STIM1: variants seen among roughly 807,000 people sequenced by gnomAD.
STIM1 encodes stromal interaction molecule 1.
Under a neutral mutation model 74.7 loss-of-function variants are expected in STIM1, and 25 were observed. The observed-to-expected ratio is 0.33, with a 90% CI of 0.24 to 0.47. STIM1 has a LOEUF of 0.47. Among genes scored for constraint, STIM1 ranks in the 20% least tolerant of loss-of-function variants. STIM1 has a pLI of 1.00. For missense variants in STIM1, 728 were observed against 920.8 expected (o/e 0.79, Z 2.71); for synonymous variants, 328 against 348.8 (o/e 0.94, Z 0.66).
rs1460670638 is a variant in STIM1, at chr11:4,082,035, C to T, written c.970-149C>T. The stretch of plus-strand genomic sequence containing the variant: ...TTTTCTTCGCTGAGCTTGCTTTCTT[C>T]TATATAAAATACGGAAAATAATCCT... On this transcript the variant is annotated intron_variant, in intron 7 of 12. Coordinates refer to ENST00000526596, the MANE Select transcript of STIM1 (RefSeq NM_001382567.1). 105 of 889,366 alleles carry T rather than the reference C, an allele frequency of 1.2e-4. 3 individuals carry two copies. The South Asian group carries it at 1.6e-3, about 14-fold the overall frequency. 55.1% of individuals were successfully genotyped at this position (889,366 alleles called of 1,614,324 possible). A position where few individuals can be genotyped will look rare whatever the true frequency, so the allele number is the denominator to read the frequency against.
At chr11:4,086,338 GGGA>G in intron 11 of STIM1, 136 bp from the exon 12 acceptor site, 1 of 933,806 alleles carries the variant, frequency 1.1e-6, no homozygotes, top group Non-Finnish European at 1.6e-6. Context: ...GGAGGTTTCT[GGGA>G]GGAGGTGCCC....
At chr11:3,994,198 A>G (rs1045183114) in intron 2 of STIM1, among the ~76,000 whole-genome samples, 1 of 152,170 alleles carries the variant, frequency 6.6e-6, no homozygotes, top group African/African-American at 2.4e-5. Flanking sequence ...GTCTTCTGGC[A>G]TCCATTATTT....
chr11:3,971,420 T>A (rs1164962299), intron 2 of STIM1, among the ~76,000 whole-genome samples: 1 of 152,040 alleles, frequency 6.6e-6, no homozygotes, highest in East Asian at 1.9e-4. Context: ...TCCTAGCTAC[T>A]CTGGAGGCTG....
intron 1 of STIM1, among the ~76,000 whole-genome samples, chr11:3,895,695 T>TATAC (rs2092089558): frequency 3.2e-5 from 1 of 30,850 alleles, no homozygotes; most frequent in Non-Finnish European, 5.7e-5. Context: ...TCTTTCTTTC[T>TATAC]TTCTTTCTTT....
intron 3 of STIM1, among the ~76,000 whole-genome samples, chr11:4,035,608 T>A (rs1352278971): frequency 1.3e-5 from 2 of 152,134 alleles, no homozygotes; most frequent in Non-Finnish European, 2.9e-5. Flanking sequence ...AGAAGCAAGT[T>A]ATTTAGTTTC....
At chr11:4,042,430 G>A (rs2133001605) in intron 3 of STIM1, among the ~76,000 whole-genome samples, 1 of 152,150 alleles carries the variant, frequency 6.6e-6, no homozygotes, top group East Asian at 1.9e-4. Context: ...TTTGTTTATA[G>A]TGTTTTATTT....
intron 1 of STIM1, among the ~76,000 whole-genome samples, chr11:3,943,236 C>G (rs1020138522): frequency 1.3e-5 from 2 of 152,168 alleles, no homozygotes. Flanking sequence ...CTTGCTTCCA[C>G]AGAACCTGGT....
At chr11:3,940,472 T>C (rs1373705862) in intron 1 of STIM1, among the ~76,000 whole-genome samples, 1 of 152,168 alleles carries the variant, frequency 6.6e-6, no homozygotes, top group African/African-American at 2.4e-5. Flanking sequence ...GTTAACATAA[T>C]TCTCTGAACT....
chr11:4,047,879 C>T (rs1292655002), intron 3 of STIM1, among the ~76,000 whole-genome samples: 12 of 148,960 alleles, frequency 8.1e-5, no homozygotes, highest in Non-Finnish European at 7.4e-5. Context: ...AGTGCCATGG[C>T]GTGATCTCAG....
chr11:3,874,536 A>G (rs1565097562), intron 1 of STIM1, among the ~76,000 whole-genome samples: 1 of 152,238 alleles, frequency 6.6e-6, no homozygotes, highest in Non-Finnish European at 1.5e-5. Context: ...GTCTCTCCCT[A>G]GCTTCAGGTT....
At chr11:3,950,522 C>T (rs1184282075) in intron 1 of STIM1, among the ~76,000 whole-genome samples, 2 of 152,124 alleles carry the variant, frequency 1.3e-5, no homozygotes, top group African/African-American at 2.4e-5. Context: ...TGGGCTGCTT[C>T]CAGTTTTGGG....
intron 6 of STIM1, among the ~76,000 whole-genome samples, chr11:4,073,940 C>T (rs2094421702): frequency 6.6e-6 from 1 of 152,116 alleles, no homozygotes; most frequent in East Asian, 1.9e-4. Flanking sequence ...CCCTAATCCA[C>T]CCCTCTGCTA....
chr11:4,032,285 G>T (rs766416514), intron 3 of STIM1, among the ~76,000 whole-genome samples: 1 of 152,188 alleles, frequency 6.6e-6, no homozygotes, highest in Non-Finnish European at 1.5e-5. Flanking sequence ...TTGGAGTCCA[G>T]CCAGGGCAGC....
chr11:4,091,246 A>G (rs1282324096), intron 12 of STIM1, 36 bp from the exon 13 acceptor site: 1 of 1,612,970 alleles, frequency 6.2e-7, no homozygotes, highest in African/African-American at 1.3e-5. Flanking sequence ...CATCCAATAT[A>G]TGTCCCTTTC....
intron 1 of STIM1, among the ~76,000 whole-genome samples, chr11:3,886,442 ACTTTGGGAG>A: frequency 6.6e-6 from 1 of 152,292 alleles, no homozygotes; most frequent in Non-Finnish European, 1.5e-5. Flanking sequence ...TCATCCCAGC[ACTTTGGGAG>A]GCCAAGGCAG....
chr11:4,046,957 G>A (rs1294008426), intron 3 of STIM1, among the ~76,000 whole-genome samples: 1 of 152,096 alleles, frequency 6.6e-6, no homozygotes, highest in Non-Finnish European at 1.5e-5. Flanking sequence ...CTGGCCAAAT[G>A]CCTGTTTTTT....
intron 12 of STIM1, chr11:4,088,469 C>T (rs574963114): frequency 2.0e-6 from 1 of 491,412 alleles, no homozygotes; most frequent in East Asian, 3.8e-5. Flanking sequence ...GATTATTACT[C>T]AGCAGAGCCA....
At chr11:3,889,113 A>G (rs1351296873) in intron 1 of STIM1, among the ~76,000 whole-genome samples, 2 of 148,840 alleles carry the variant, frequency 1.3e-5, no homozygotes, top group Admixed American at 6.8e-5. Flanking sequence ...GTGAGTGCTT[A>G]CTATGTGCCA....
chr11:3,874,118 T>C (rs2091231774), intron 1 of STIM1, among the ~76,000 whole-genome samples: 1 of 152,220 alleles, frequency 6.6e-6, no homozygotes, highest in South Asian at 2.1e-4. Context: ...TCTACAGTGA[T>C]GTAATGTTTG....
Sources: gnomAD v4.1 joint callset for allele counts (sites outside exome capture counted in the v4.1 genomes callset) on GRCh38, gnomAD v4.1.1 for gene constraint, MANE v1.5 for transcripts, NCBI Gene and HGNC (gene_info 2026-07-23, HGNC 2026-07-21) for gene names.